MCCC1: variants seen among roughly 807,000 people sequenced by gnomAD.
The protein encoded by MCCC1 is methylcrotonoyl-CoA carboxylase subunit alpha, mitochondrial.
MCCC1 carries 64 observed loss-of-function variants against 83.8 expected under a neutral mutation model. That is an observed-to-expected ratio of 0.76 (90% CI 0.62 to 0.94). The LOEUF (loss-of-function observed/expected upper bound fraction) is 0.94, where lower values mean the gene tolerates loss of function less well. Among genes scored for constraint, MCCC1 ranks in the 40% least tolerant of loss-of-function variants. The pLI is 0.00. For synonymous variants in MCCC1, 322 were observed against 315.4 expected (o/e 1.02, Z -0.22); for missense variants, 807 against 904.7 (o/e 0.89, Z 1.39).
intron 7 of MCCC1, among the ~76,000 whole-genome samples, chr3:183,068,317 G>A (rs547973180): frequency 5.0e-4 from 76 of 152,290 alleles, no homozygotes; most frequent in Middle Eastern, 3.4e-3. Flanking sequence ...CAGTAAAGAC[G>A]TTGGCTAAAT....
exon 1 of MCCC1, chr3:183,116,050 CCCCTAGGAAA>C (rs1282479440): frequency 6.6e-6 from 1 of 152,274 alleles, no homozygotes; most frequent in African/African-American, 2.4e-5. Flanking sequence ...CCCAGCAAAA[CCCCTAGGAAA>C]CCCTCAGAAG....
chr3:183,082,241 T>C (rs1451080164), intron 4 of MCCC1, among the ~76,000 whole-genome samples: 2 of 152,174 alleles, frequency 1.3e-5, no homozygotes, highest in African/African-American at 4.8e-5. Context: ...AACCACAGAG[T>C]AGCTGTATTC....
chr3:183,058,275 T>C (rs970709573), intron 7 of MCCC1, among the ~76,000 whole-genome samples: 14 of 152,260 alleles, frequency 9.2e-5, no homozygotes, highest in Admixed American at 8.5e-4. Flanking sequence ...TAAATTAATA[T>C]GGACCATTAG....
At chr3:183,102,206 A>AT (rs1198447734), upstream of MCCC1, among the ~76,000 whole-genome samples, 1 of 151,928 alleles carries the variant, frequency 6.6e-6, no homozygotes, top group South Asian at 2.1e-4. Flanking sequence ...CTGCACAAAC[A>AT]TTTTTTTAAA....
At chr3:183,102,953 A>AT (rs1719341983), upstream of MCCC1, among the ~76,000 whole-genome samples, 1 of 151,236 alleles carries the variant, frequency 6.6e-6, no homozygotes, top group Admixed American at 6.6e-5. Flanking sequence ...CACCTAGCTC[A>AT]TTTTTTGTAT....
chr3:183,061,934 G>A (rs922563180), intron 7 of MCCC1, among the ~76,000 whole-genome samples: 3 of 152,138 alleles, frequency 2.0e-5, no homozygotes, highest in Non-Finnish European at 4.4e-5. Context: ...GGGACCCGGC[G>A]GGAGGTAACT....
chr3:183,034,477 A>AG (rs1560216307), intron 13 of MCCC1, among the ~76,000 whole-genome samples: 2 of 150,982 alleles, frequency 1.3e-5, no homozygotes, highest in Non-Finnish European at 3.0e-5. Flanking sequence ...AAACAAAAAA[A>AG]CACACGTCCT....
At chr3:183,106,070 CAG>C (rs1359459017) in intron 1 of MCCC1, among the ~76,000 whole-genome samples, 2 of 54,286 alleles carry the variant, frequency 3.7e-5, no homozygotes, top group Non-Finnish European at 9.6e-5. Flanking sequence ...GCCTGAGCAA[CAG>C]AGAGTCCGTA....
At chr3:183,052,068 C>A in intron 9 of MCCC1, 91 bp downstream of exon 9, 5 of 1,192,298 alleles carry the variant, frequency 4.2e-6, no homozygotes, top group Non-Finnish European at 6.2e-6. Context: ...AGCTTGAAAG[C>A]AACTGATTTA....
intron 7 of MCCC1, among the ~76,000 whole-genome samples, chr3:183,062,029 C>A (rs949752573): frequency 2.2e-4 from 33 of 152,278 alleles, no homozygotes; most frequent in Non-Finnish European, 4.3e-4. Context: ...GAGCAGTTCC[C>A]CTGCACAGGC....
At chr3:183,015,621 T>A in intron 18 of MCCC1, 55 bp from the exon 19 acceptor site, 1 of 1,609,364 alleles carries the variant, frequency 6.2e-7, no homozygotes, top group Non-Finnish European at 8.5e-7. Context: ...GAGGACTGAG[T>A]ATACACCAAG....
At position 183,096,330 on chromosome 3, in the gene MCCC1, C is replaced by T. The variant is rs558280269; in HGVS notation, c.90-1725G>A. ...CAGCCTGGGTGACAGAGTGAGACTC[C>T]ATCTCAAAAAAAAAAATAAATAAAT... is the stretch of plus-strand genomic sequence containing the variant. On this transcript the variant is annotated intron_variant, in intron 1 of 18. Transcript: ENST00000265594. Among the ~76,000 whole-genome samples, 3 of 150,480 alleles carry T rather than the reference C, an allele frequency of 2.0e-5. No individual in the cohort carries two copies. The South Asian group carries it at 6.3e-4, about 31-fold the overall frequency.
chr3:183,072,225 T>G, intron 5 of MCCC1, 141 bp downstream of exon 5: 1 of 960,026 alleles, frequency 1.0e-6, no homozygotes. Flanking sequence ...TTGCCCAGGC[T>G]GGTCTTGAAT....
At chr3:183,056,617 A>G (rs1715439523) in intron 8 of MCCC1, among the ~76,000 whole-genome samples, 1 of 152,260 alleles carries the variant, frequency 6.6e-6, no homozygotes, top group Admixed American at 6.5e-5. Context: ...GGTAATTAAA[A>G]AAGGCTTTTC....
At chr3:183,078,144 T>A (rs999198343) in intron 4 of MCCC1, among the ~76,000 whole-genome samples, 2 of 152,148 alleles carry the variant, frequency 1.3e-5, no homozygotes, top group Non-Finnish European at 1.5e-5. Context: ...CTCAGCCTCC[T>A]GAGCAGCTAG....
intron 8 of MCCC1, among the ~76,000 whole-genome samples, chr3:183,055,278 G>T (rs1211024840): frequency 6.6e-6 from 1 of 152,046 alleles, no homozygotes; most frequent in Non-Finnish European, 1.5e-5. Flanking sequence ...CGGGTGTGGT[G>T]GTGGGTGCCT....
chr3:183,029,689 TA>T (rs1207190416), intron 14 of MCCC1, among the ~76,000 whole-genome samples: 1 of 142,048 alleles, frequency 7.0e-6, no homozygotes, highest in East Asian at 3.0e-4. Context: ...TCTGGCATCT[TA>T]TTTTTTTTTC....
chr3:183,079,586 G>A (rs1464603532), intron 4 of MCCC1, among the ~76,000 whole-genome samples: 1 of 152,190 alleles, frequency 6.6e-6, no homozygotes, highest in Non-Finnish European at 1.5e-5. Context: ...GGTGTTGAGT[G>A]TCTGTGGCTT....
chr3:183,033,905 T>C (rs1713290547), intron 14 of MCCC1, 86 bp downstream of exon 14: 2 of 1,038,564 alleles, frequency 1.9e-6, no homozygotes, highest in Non-Finnish European at 3.0e-6. Context: ...AACTGACTGA[T>C]CATGGCCAGG....
Sources: allele counts gnomAD v4.1 joint callset (sites outside exome capture counted in the v4.1 genomes callset), GRCh38; gene constraint gnomAD v4.1.1; transcripts MANE v1.5; gene names NCBI Gene and HGNC (gene_info 2026-07-23, HGNC 2026-07-21).